TMTC2: variants seen among roughly 807,000 people sequenced by gnomAD.
TMTC2 encodes protein O-mannosyl-transferase TMTC2.
Under a neutral mutation model 82.4 loss-of-function variants are expected in TMTC2, and 43 were observed. The observed-to-expected ratio is 0.52, with a 90% CI of 0.41 to 0.67. The LOEUF (loss-of-function observed/expected upper bound fraction) is 0.67. TMTC2 is among the 30% of genes least tolerant of loss of function. The pLI, the probability that TMTC2 is intolerant of heterozygous loss-of-function variation, is 0.00. For missense variants in TMTC2, 919 were observed against 1,012.4 expected, an observed-to-expected ratio of 0.91 and a Z score of 1.25; for synonymous variants, 408 against 381.9, an observed-to-expected ratio of 1.07 and a Z score of -0.80.
At chr12:82,717,055 G>C (rs1391561993) in intron 1 of TMTC2, among the ~76,000 whole-genome samples, 1 of 152,136 alleles carries the variant, frequency 6.6e-6, no homozygotes, top group African/African-American at 2.4e-5. Flanking sequence ...GTGATTTAGG[G>C]ATGTTTGTAC....
At chr12:82,772,805 T>A (rs1233774811) in intron 1 of TMTC2, among the ~76,000 whole-genome samples, 1 of 152,190 alleles carries the variant, frequency 6.6e-6, no homozygotes, top group East Asian at 1.9e-4. Context: ...CCTATTTAAA[T>A]TCTACGTTGG....
intron 1 of TMTC2, among the ~76,000 whole-genome samples, chr12:82,823,809 C>T (rs1356799789): frequency 1.3e-5 from 2 of 151,940 alleles, no homozygotes; most frequent in Non-Finnish European, 2.9e-5. Context: ...TCTCTACCCT[C>T]TGTTCACCCC....
chr12:82,697,275 C>G (rs1372613140), intron 1 of TMTC2, among the ~76,000 whole-genome samples: 1 of 138,896 alleles, frequency 7.2e-6, no homozygotes, highest in Non-Finnish European at 1.5e-5. Flanking sequence ...ACCTGGTGAG[C>G]AGAGAATGCA....
intron 7 of TMTC2, 95 bp from the exon 8 acceptor site, chr12:82,985,830 C>T: frequency 6.9e-7 from 1 of 1,445,298 alleles, no homozygotes; most frequent in Non-Finnish European, 9.3e-7. Flanking sequence ...ATCTGAAATT[C>T]CACGCAGTAT....
intron 9 of TMTC2, among the ~76,000 whole-genome samples, chr12:83,033,228 G>C (rs1045399701): frequency 6.6e-6 from 1 of 152,142 alleles, no homozygotes; most frequent in Admixed American, 6.5e-5. Context: ...ACTGTGCTCA[G>C]ATTATAAAAC....
chr12:82,835,116 G>A lies in TMTC2; in HGVS notation c.84-21894G>A, dbSNP rs78695656. Among the ~76,000 whole-genome samples the A allele has an allele frequency of 7.4e-3, 1,118 of 152,094 alleles. 20 individuals carry two copies. The highest frequency in any genetic ancestry group is 0.025 in the African/African-American group (1,054 of 41,474). ...AGCTCAGATTGATTCCCTCACCTTG[G>A]CCTCCCAAAGTGCAGGGATTACAGG... On this transcript the variant is annotated intron_variant, in intron 1 of 11. Coordinates refer to ENST00000321196, the MANE Select transcript of TMTC2 (RefSeq NM_152588.3).
intron 1 of TMTC2, among the ~76,000 whole-genome samples, chr12:82,701,289 C>T (rs538852256): frequency 2.0e-5 from 3 of 152,160 alleles, no homozygotes; most frequent in African/African-American, 7.2e-5. Context: ...ATTGATAGCC[C>T]GAATCTCAGG....
intron 4 of TMTC2, among the ~76,000 whole-genome samples, chr12:82,951,359 C>T (rs1002402559): frequency 2.6e-5 from 4 of 151,946 alleles, no homozygotes; most frequent in African/African-American, 4.8e-5. Flanking sequence ...GGCACAATCT[C>T]GGCTCACTGC....
intron 4 of TMTC2, among the ~76,000 whole-genome samples, chr12:82,935,442 T>C (rs2137251400): frequency 6.6e-6 from 1 of 152,316 alleles, no homozygotes; most frequent in Middle Eastern, 3.4e-3. Context: ...ATTATGATGT[T>C]GATTTGTCTT....
intron 11 of TMTC2, among the ~76,000 whole-genome samples, chr12:83,099,482 T>G (rs1190995128): frequency 6.6e-6 from 1 of 152,236 alleles, no homozygotes; most frequent in African/African-American, 2.4e-5. Flanking sequence ...TCCGTGCTAT[T>G]ATTAATATAT....
intron 2 of TMTC2, among the ~76,000 whole-genome samples, chr12:82,893,656 T>C (rs1242311462): frequency 1.3e-5 from 2 of 152,148 alleles, no homozygotes; most frequent in East Asian, 3.9e-4. Context: ...CCTATTCTTT[T>C]GCTTCTCTTA....
intron 1 of TMTC2, among the ~76,000 whole-genome samples, chr12:82,712,754 G>A (rs1367422275): frequency 6.6e-6 from 1 of 152,138 alleles, no homozygotes; most frequent in Non-Finnish European, 1.5e-5. Flanking sequence ...TTTGTGATGG[G>A]CTATTGATGG....
intron 11 of TMTC2, among the ~76,000 whole-genome samples, chr12:83,083,940 A>G (rs1883560818): frequency 6.6e-6 from 1 of 152,202 alleles, no homozygotes; most frequent in African/African-American, 2.4e-5. Flanking sequence ...AGAGACTTTC[A>G]AAGATAATGT....
chr12:83,025,997 A>G (rs1188283544), intron 8 of TMTC2, among the ~76,000 whole-genome samples: 1 of 152,154 alleles, frequency 6.6e-6, no homozygotes, highest in Non-Finnish European at 1.5e-5. Flanking sequence ...CCTGTAATTC[A>G]GGGATATTTA....
intron 9 of TMTC2, 24 bp downstream of exon 9, chr12:83,030,903 C>T (rs1406262964): frequency 2.0e-6 from 3 of 1,525,016 alleles, no homozygotes; most frequent in South Asian, 2.2e-5. Flanking sequence ...AGTTTTTTTT[C>T]CATGTCCCCC....
chr12:82,858,615 G>A lies in TMTC2; in HGVS notation c.654+1035G>A, dbSNP rs17726039. 4.6e-5 allele frequency among the ~76,000 whole-genome samples: 7 copies of A among 151,176 alleles called. No individual in the cohort carries two copies. The East Asian group carries it at 1.4e-3, about 29-fold the overall frequency. On this transcript the variant is annotated intron_variant, in intron 2 of 11. Transcript: ENST00000321196. ...AATTTAAAAACAAATTGAGGCAAAT[G>A]CTGTTCGAAACATCAATTTTTTTAA...
intron 7 of TMTC2, among the ~76,000 whole-genome samples, chr12:82,980,610 A>T (rs1024372778): frequency 0.015 from 9 of 612 alleles, no homozygotes; most frequent in Middle Eastern, 0.5. Context: ...AGAGACTAGA[A>T]AAAAAAAATT....
chr12:83,071,193 C>A (rs901301766), intron 11 of TMTC2, among the ~76,000 whole-genome samples: 5 of 136,022 alleles, frequency 3.7e-5, no homozygotes, highest in African/African-American at 1.4e-4. Context: ...CTCGCTCTGT[C>A]GCCTAGACTG....
intron 8 of TMTC2, among the ~76,000 whole-genome samples, chr12:83,007,790 T>C (rs974540280): frequency 6.6e-6 from 1 of 152,228 alleles, no homozygotes. Context: ...GAAAATCTTG[T>C]AGGATTTCTT....
Sources: allele counts gnomAD v4.1 joint callset (sites outside exome capture counted in the v4.1 genomes callset), GRCh38; gene constraint gnomAD v4.1.1; transcripts MANE v1.5; gene names NCBI Gene and HGNC (gene_info 2026-07-23, HGNC 2026-07-21).